Variants in GOSR2 observed in about 807,000 individuals in gnomAD.
GOSR2 encodes the protein 27 kDa Golgi SNARE protein.
GOSR2 carries 20 observed loss-of-function variants against 27.9 expected under a neutral mutation model. The observed-to-expected ratio is 0.72, with a 90% CI of 0.50 to 1.04. GOSR2 has a LOEUF of 1.04. Among genes scored for constraint, GOSR2 ranks in the 50% least tolerant of loss-of-function variants. The pLI is 0.00. For synonymous variants in GOSR2, 91 were observed against 98.8 expected (o/e 0.92, Z 0.47); for missense variants, 261 against 270.5 (o/e 0.97, Z 0.25).
At chr17:46,926,579 G>A (rs1295748167) in intron 1 of GOSR2, among the ~76,000 whole-genome samples, 1 of 152,026 alleles carries the variant, frequency 6.6e-6, no homozygotes, top group Non-Finnish European at 1.5e-5. Context: ...TCATGTCCAC[G>A]CTCCCAAGTC....
chr17:46,948,192 G>A lies in GOSR2; in HGVS notation c.583+9488G>A, dbSNP rs1325923155. ...TGAGCAAGCCACCTCACCTCTCCAC[G>A]CCTCTGTTCTGTCACCTTTTGGAGA... On this transcript the variant is annotated intron_variant, in intron 6 of 6. Transcript: ENST00000573224. 3.9e-5 allele frequency among the ~76,000 whole-genome samples: 6 copies of A among 152,218 alleles called. No homozygotes were observed. In the East Asian group the frequency reaches 1.2e-3, roughly 29 times the overall value.
intron 1 of GOSR2, among the ~76,000 whole-genome samples, chr17:46,927,471 G>A (rs2086660523): frequency 6.6e-6 from 1 of 152,138 alleles, no homozygotes; most frequent in Non-Finnish European, 1.5e-5. Context: ...TCTGTAACCC[G>A]AGGTCATTTA....
At position 46,932,213 on chromosome 17, in the gene GOSR2, G is replaced by C; in HGVS notation, c.336+14G>C. 6.2e-7 allele frequency: 1 copy of C among 1,613,934 alleles called. No homozygotes were observed. The highest frequency in any genetic ancestry group is 1.6e-4 in the Middle Eastern group (1 of 6,062). ...TTCACCACTAACGTAAGCCAGGCCC[G>C]TGGTGAGGGTCGGCCTGCACTTGAC... On this transcript the variant is annotated intron_variant, in intron 4 of 5. Transcript: ENST00000640051.
intron 6 of GOSR2, among the ~76,000 whole-genome samples, chr17:46,966,166 G>A (rs1464529586): frequency 6.6e-6 from 1 of 152,202 alleles, no homozygotes; most frequent in Non-Finnish European, 1.5e-5. Context: ...TCACCACAGA[G>A]TAAGAAGTGC....
At chr17:46,960,515 T>G (rs961537455) in intron 6 of GOSR2, among the ~76,000 whole-genome samples, 2 of 152,172 alleles carry the variant, frequency 1.3e-5, no homozygotes, top group Non-Finnish European at 2.9e-5. Flanking sequence ...TTTACCCAAG[T>G]GAAAGGAAAA....
intron 6 of GOSR2, among the ~76,000 whole-genome samples, chr17:46,954,430 T>C (rs949505261): frequency 3.9e-4 from 60 of 152,372 alleles, no homozygotes; most frequent in African/African-American, 1.4e-3. Flanking sequence ...GCTGTTTTAG[T>C]TACTGTAGCG....
chr17:46,926,854 A>G (rs558745140), intron 1 of GOSR2, among the ~76,000 whole-genome samples: 31 of 152,356 alleles, frequency 2.0e-4, no homozygotes, highest in South Asian at 4.1e-4. Flanking sequence ...CCTGTACAAA[A>G]GTGCTTTGAT....
intron 6 of GOSR2, among the ~76,000 whole-genome samples, chr17:46,957,908 G>A (rs923345059): frequency 3.9e-5 from 6 of 152,208 alleles, no homozygotes; most frequent in African/African-American, 1.4e-4. Flanking sequence ...GGACGCTGCA[G>A]CAGGGATCAG....
At chr17:46,960,094 TTTCCTGAATAA>T (rs1317157251) in intron 6 of GOSR2, among the ~76,000 whole-genome samples, 2 of 152,230 alleles carry the variant, frequency 1.3e-5, no homozygotes, top group Non-Finnish European at 2.9e-5. Context: ...CAGAATGCCA[TTTCCTGAATAA>T]TATATCTACC....
At chr17:46,974,849 A>G (rs1255034597) in intron 6 of GOSR2, among the ~76,000 whole-genome samples, 4 of 152,174 alleles carry the variant, frequency 2.6e-5, no homozygotes, top group Non-Finnish European at 4.4e-5. Context: ...CATCTGTACA[A>G]TGGGAGGAGC....
Position 46,972,270 on chromosome 17 carries a change from A to G in GOSR2, c.616-2929A>G, listed in dbSNP as rs554335686. Among the ~76,000 whole-genome samples the G allele has an allele frequency of 4.6e-5, 7 of 151,678 alleles. No homozygotes were observed. In the East Asian group the frequency reaches 1.4e-3, roughly 29 times the overall value. On this transcript the variant is annotated intron_variant, in intron 6 of 6. Coordinates refer to the GOSR2 transcript ENST00000640723. Reference sequence around the variant, plus strand: ...CTCTCTTCCCTTCTCCTTCCATCCCATCTTCTCCCTGCTGTCCTTTCATAT... The same window carrying G: ...CTCTCTTCCCTTCTCCTTCCATCCCGTCTTCTCCCTGCTGTCCTTTCATAT...
chr17:46,931,329 C>A, intron 3 of GOSR2, 122 bp downstream of exon 3: 1 of 703,214 alleles, frequency 1.4e-6, no homozygotes, highest in Non-Finnish European at 2.6e-6. Flanking sequence ...TATGACTATG[C>A]AAAGAAAAAG....
At chr17:46,935,393 C>T (rs1030184247) in intron 5 of GOSR2, 7 of 1,436,190 alleles carry the variant, frequency 4.9e-6, no homozygotes, top group African/African-American at 4.3e-5. Context: ...GAAGTGGCCT[C>T]TCTTAGGATC....
At chr17:46,923,688 T>C (rs968556601) in intron 1 of GOSR2, 32 of 742,472 alleles carry the variant, frequency 4.3e-5, no homozygotes, top group Non-Finnish European at 5.9e-5. Flanking sequence ...GACCACATTT[T>C]TATGGTACAA....
At chr17:46,928,716 G>A (rs114309692) in intron 1 of GOSR2, among the ~76,000 whole-genome samples, 113 of 152,286 alleles carry the variant, frequency 7.4e-4, no homozygotes, top group African/African-American at 2.6e-3. Flanking sequence ...GTTTCCTCCA[G>A]TGAGTCACTT....
At chr17:46,943,669 C>T (rs1296265825), downstream of GOSR2, among the ~76,000 whole-genome samples, 1 of 152,248 alleles carries the variant, frequency 6.6e-6, no homozygotes, top group East Asian at 1.9e-4. Context: ...AGCCCATCCC[C>T]CATGCAGGGC....
chr17:46,961,788 T>C (rs1054587403), intron 6 of GOSR2, among the ~76,000 whole-genome samples: 1 of 152,294 alleles, frequency 6.6e-6, no homozygotes, highest in Non-Finnish European at 1.5e-5. Flanking sequence ...TATAGAAATA[T>C]TAATATCCAA....
intron 6 of GOSR2, among the ~76,000 whole-genome samples, chr17:46,965,820 G>A (rs1187275597): frequency 2.0e-5 from 3 of 149,990 alleles, no homozygotes; most frequent in African/African-American, 4.9e-5. Context: ...TTGTAGAGGC[G>A]GGGTCTCATT....
intron 5 of GOSR2, chr17:46,936,203 A>C: frequency 1.0e-6 from 1 of 985,374 alleles, no homozygotes. Flanking sequence ...GAACTGATAC[A>C]TGTTGATTAG....
Sources: allele counts gnomAD v4.1 joint callset (sites outside exome capture counted in the v4.1 genomes callset), GRCh38; gene constraint gnomAD v4.1.1; transcripts MANE v1.5; gene names NCBI Gene and HGNC (gene_info 2026-07-23, HGNC 2026-07-21).